GRIN2A: variants seen among roughly 807,000 people sequenced by gnomAD.
GRIN2A encodes glutamate receptor ionotropic, NMDA 2A.
A neutral mutation model predicts 113.4 loss-of-function variants in GRIN2A; 22 were observed. The ratio of observed to expected loss-of-function variants is 0.19; its 90% confidence interval spans 0.14 to 0.28. The LOEUF (loss-of-function observed/expected upper bound fraction) is 0.28, where lower values mean the gene tolerates loss of function less well. Ranked by LOEUF, GRIN2A falls within the 10% of genes least tolerant of loss-of-function variation. The pLI is 1.00. For synonymous variants in GRIN2A, 827 were observed against 738.4 expected, an observed-to-expected ratio of 1.12 and a Z score of -1.94; for missense variants, 1,502 against 1,887.0, an observed-to-expected ratio of 0.80 and a Z score of 3.78.
intron 5 of GRIN2A, among the ~76,000 whole-genome samples, chr16:9,844,108 C>T (rs1304161114): frequency 6.6e-6 from 1 of 152,122 alleles, no homozygotes; most frequent in Non-Finnish European, 1.5e-5. Context: ...TCTTCCTTCA[C>T]CTGGTCAAGA....
intron 2 of GRIN2A, chr16:9,942,984 A>G (rs1434156262): frequency 1.3e-5 from 2 of 152,174 alleles, no homozygotes; most frequent in African/African-American, 2.4e-5. Context: ...GGGATTTCCT[A>G]AGGTGATTTT....
intron 2 of GRIN2A, among the ~76,000 whole-genome samples, chr16:9,969,226 T>C (rs917941748): frequency 1.3e-5 from 2 of 152,162 alleles, no homozygotes; most frequent in African/African-American, 4.8e-5. Context: ...AACTTGGTGT[T>C]ACCGAATCTT....
chr16:10,174,758 A>G (rs1286825348), intron 2 of GRIN2A, among the ~76,000 whole-genome samples: 1 of 152,140 alleles, frequency 6.6e-6, no homozygotes, highest in Non-Finnish European at 1.5e-5. Context: ...AAAATAATAG[A>G]CCAGACACAA....
chr16:10,051,309 T>G (rs1211352904), intron 2 of GRIN2A, among the ~76,000 whole-genome samples: 1 of 152,156 alleles, frequency 6.6e-6, no homozygotes, highest in East Asian at 1.9e-4. Flanking sequence ...GTTGTAAAAG[T>G]GCACAGACAG....
Position 9,938,544 on chromosome 16 carries a change from G to T in GRIN2A, c.422C>A (p.Thr141Lys), listed in dbSNP as rs78631453. The change falls in exon 3 of 13, where the codon ACG becomes AAG. Residue 141 changes from threonine (T) to lysine (K), a missense_variant. Thr to Lys is a moderately conservative substitution (Grantham distance 78, BLOSUM62 -1). Coordinates refer to ENST00000330684, the MANE Select transcript of GRIN2A (RefSeq NM_001134407.3). ...CGCTCCAAACTGGAAGAAGGTAGAC[G>T]TCGGATCCTGCCAGTGAAAAGAAAG... The part of the protein sequence containing the change: ...ASMIMADKDP[T>K]STFFQFGASI... The T allele has an allele frequency of 4.2e-5, 68 of 1,603,090 alleles. No individual in the cohort carries two copies. The highest frequency in any genetic ancestry group is 6.7e-5 in the East Asian group (3 of 44,834).
chr16:9,889,201 T>G, intron 4 of GRIN2A, among the ~76,000 whole-genome samples: 1 of 152,188 alleles, frequency 6.6e-6, no homozygotes, highest in Non-Finnish European at 1.5e-5. Context: ...AAATTGTGTT[T>G]CTTCAGAATT....
intron 2 of GRIN2A, among the ~76,000 whole-genome samples, chr16:10,042,989 G>C (rs2047192914): frequency 6.6e-6 from 1 of 152,174 alleles, no homozygotes; most frequent in Non-Finnish European, 1.5e-5. Flanking sequence ...ATCTACGTCA[G>C]AGTTTCTGGT....
chr16:10,111,437 C>T (rs1382101921), intron 2 of GRIN2A: 12 of 565,274 alleles, frequency 2.1e-5, no homozygotes, highest in Non-Finnish European at 3.6e-5. Context: ...GACTGGCTCA[C>T]CGTGCAGCAG....
At chr16:10,031,033 C>T (rs2046919032) in intron 2 of GRIN2A, among the ~76,000 whole-genome samples, 1 of 152,162 alleles carries the variant, frequency 6.6e-6, no homozygotes, top group Non-Finnish European at 1.5e-5. Context: ...AGGGAGAAAT[C>T]TGAACTCGGG....
At chr16:9,837,798 G>A (rs1183575982) in intron 7 of GRIN2A, among the ~76,000 whole-genome samples, 5 of 152,134 alleles carry the variant, frequency 3.3e-5, no homozygotes, top group Admixed American at 6.5e-5. Flanking sequence ...ATTAAAATAC[G>A]AGTATCTGAA....
chr16:10,013,922 TC>T (rs2046555442), intron 2 of GRIN2A, among the ~76,000 whole-genome samples: 1 of 152,200 alleles, frequency 6.6e-6, no homozygotes, highest in South Asian at 2.1e-4. Flanking sequence ...AAGCGTCACT[TC>T]CTCAACGAAG....
chr16:10,092,020 TTA>T (rs2048192951), intron 2 of GRIN2A, among the ~76,000 whole-genome samples: 1 of 152,216 alleles, frequency 6.6e-6, no homozygotes, highest in East Asian at 1.9e-4. Context: ...GATAAGTAAA[TTA>T]TATATCAATA....
intron 4 of GRIN2A, among the ~76,000 whole-genome samples, chr16:9,850,208 G>C (rs975455674): frequency 2.6e-5 from 4 of 152,154 alleles, no homozygotes; most frequent in African/African-American, 9.7e-5. Flanking sequence ...GCAGTGCCCA[G>C]GCACTGATAC....
intron 11 of GRIN2A, among the ~76,000 whole-genome samples, chr16:9,778,164 T>C (rs895140253): frequency 1.3e-5 from 2 of 152,154 alleles, no homozygotes; most frequent in African/African-American, 4.8e-5. Flanking sequence ...CAATAAAAGA[T>C]TGGACAACTC....
In GRIN2A at chr16:9,930,817, G is replaced by A. The variant is rs1440434756; in HGVS notation, c.1007+7142C>T. Among the ~76,000 whole-genome samples the A allele has an allele frequency of 2.0e-5, 3 of 152,286 alleles. No individual in the cohort carries two copies. In the South Asian group the frequency reaches 6.2e-4, roughly 32 times the overall value. On this transcript the variant is annotated intron_variant, in intron 3 of 12. Coordinates refer to ENST00000330684, the MANE Select transcript of GRIN2A (RefSeq NM_001134407.3). ...GTCTCTTAATGGGTCATTAAACCAA[G>A]AATTTTTCCTATGTTATTTTAGAAA...
chr16:9,963,184 G>C (rs1419635458), intron 2 of GRIN2A, among the ~76,000 whole-genome samples: 4 of 150,594 alleles, frequency 2.7e-5, no homozygotes, highest in South Asian at 2.2e-4. Flanking sequence ...ACGAGTTAAT[G>C]GGTGCAGCAC....
At chr16:9,880,573 T>C (rs925293908) in intron 4 of GRIN2A, among the ~76,000 whole-genome samples, 1 of 152,172 alleles carries the variant, frequency 6.6e-6, no homozygotes, top group Non-Finnish European at 1.5e-5. Flanking sequence ...TGACAGCTCA[T>C]CATGTCACAT....
chr16:10,050,221 G>A (rs2047334087), intron 2 of GRIN2A, among the ~76,000 whole-genome samples: 1 of 152,160 alleles, frequency 6.6e-6, no homozygotes, highest in African/African-American at 2.4e-5. Flanking sequence ...TTCTAGCCTT[G>A]AAGATGAAGG....
chr16:9,765,964 C>T (rs1047455285), intron 12 of GRIN2A, among the ~76,000 whole-genome samples: 4 of 152,172 alleles, frequency 2.6e-5, no homozygotes, highest in African/African-American at 9.7e-5. Context: ...TTTACGTTCA[C>T]TTAAAAGTAG....
Sources: gnomAD v4.1 joint callset for allele counts (sites outside exome capture counted in the v4.1 genomes callset) on GRCh38, gnomAD v4.1.1 for gene constraint, MANE v1.5 for transcripts, NCBI Gene and HGNC (gene_info 2026-07-23, HGNC 2026-07-21) for gene names.